Variants in EDA observed in about 807,000 individuals in gnomAD.
The protein encoded by EDA is ectodysplasin A, also known as ectodysplasin-A.
Under a neutral mutation model 23.6 loss-of-function variants are expected in EDA, and 2 were observed. The observed-to-expected ratio is 0.08, with a 90% CI of 0.03 to 0.27. The LOEUF (loss-of-function observed/expected upper bound fraction) is 0.27, where lower values mean the gene tolerates loss of function less well. Ranked by LOEUF, EDA falls within the 10% of genes least tolerant of loss-of-function variation. The pLI is 1.00. For synonymous variants in EDA, 131 were observed against 132.0 expected (o/e 0.99, Z 0.05); for missense variants, 229 against 324.2 (o/e 0.71, Z 2.26).
At chrX:69,867,988 A>C (rs768539728) in intron 1 of EDA, among the ~76,000 whole-genome samples, 1 of 111,955 alleles carries the variant, frequency 8.9e-6, no homozygotes, top group South Asian at 3.8e-4. Context: ...TTGATAACCC[A>C]TAGTCAAACT....
chrX:69,749,435 G>C (rs1011759955), intron 1 of EDA, among the ~76,000 whole-genome samples: 1 of 101,400 alleles, frequency 9.9e-6, no homozygotes, highest in Non-Finnish European at 2.0e-5. Context: ...ATGATTTATA[G>C]TCATTTGGGT....
intron 1 of EDA, among the ~76,000 whole-genome samples, chrX:69,861,600 A>G (rs1396360958): frequency 2.7e-5 from 3 of 111,924 alleles, no homozygotes; most frequent in African/African-American, 9.7e-5. Context: ...AAAAATTATC[A>G]CACTTACAAA....
At chrX:70,034,727 C>G (rs756248198) in intron 7 of EDA, among the ~76,000 whole-genome samples, 7 of 111,757 alleles carry the variant, frequency 6.3e-5, no homozygotes, top group African/African-American at 2.3e-4. Flanking sequence ...TTTCCAAATT[C>G]TTTGTCTTGT....
At chrX:69,685,158 G>A (rs1258921250) in intron 1 of EDA, among the ~76,000 whole-genome samples, 1 of 111,928 alleles carries the variant, frequency 8.9e-6, no homozygotes, top group Non-Finnish European at 1.9e-5. Flanking sequence ...GAGAGATCGA[G>A]AGCCAAGAAA....
chrX:69,665,999 T>A (rs2147261123), intron 1 of EDA, among the ~76,000 whole-genome samples: 1 of 111,882 alleles, frequency 8.9e-6, no homozygotes, highest in South Asian at 3.7e-4. Flanking sequence ...TTCATCAGTG[T>A]TTTGCAGTTT....
At chrX:69,730,823 G>A (rs2012994168) in intron 1 of EDA, among the ~76,000 whole-genome samples, 1 of 112,445 alleles carries the variant, frequency 8.9e-6, no homozygotes, top group African/African-American at 3.2e-5. Context: ...ATGTAAGATA[G>A]TACTACTGAA....
chrX:69,711,648 T>C (rs1160962402), intron 1 of EDA, among the ~76,000 whole-genome samples: 1 of 111,700 alleles, frequency 9.0e-6, no homozygotes, highest in Non-Finnish European at 1.9e-5. Flanking sequence ...TGGTAGGCTA[T>C]TAATTATTGC....
At chrX:69,724,329 C>T (rs1415934817) in intron 1 of EDA, among the ~76,000 whole-genome samples, 3 of 111,892 alleles carry the variant, frequency 2.7e-5, no homozygotes, top group Admixed American at 9.5e-5. Flanking sequence ...CCCTTTTCCA[C>T]GCTTTCCTGG....
At chrX:69,668,368 G>T (rs368099630) in intron 1 of EDA, among the ~76,000 whole-genome samples, 5 of 111,611 alleles carry the variant, frequency 4.5e-5, no homozygotes, top group African/African-American at 1.3e-4. Flanking sequence ...GACTTGTTTT[G>T]TGGCCTAACA....
intron 1 of EDA, among the ~76,000 whole-genome samples, chrX:69,791,380 A>G (rs2015400599): frequency 1.8e-5 from 2 of 111,308 alleles, no homozygotes; most frequent in African/African-American, 6.5e-5. Flanking sequence ...TAATTTTGAA[A>G]TACAAAAAAA....
intron 1 of EDA, among the ~76,000 whole-genome samples, chrX:69,648,715 T>C (rs969764683): frequency 3.6e-5 from 4 of 111,807 alleles, no homozygotes; most frequent in Non-Finnish European, 7.5e-5. Context: ...CCCACAGAAC[T>C]GCTTGGCTCC....
chrX:69,729,417 A>T (rs2012937225), intron 1 of EDA, among the ~76,000 whole-genome samples: 1 of 111,126 alleles, frequency 9.0e-6, no homozygotes, highest in South Asian at 3.8e-4. Context: ...CCCCTTAGCC[A>T]TTCTATCAAC....
chrX:70,026,393 G>A (rs1169397805), intron 3 of EDA, among the ~76,000 whole-genome samples: 2 of 111,329 alleles, frequency 1.8e-5, no homozygotes, highest in Non-Finnish European at 3.8e-5. Context: ...TAGGAGGGTC[G>A]AGATTGTTCT....
intron 1 of EDA, among the ~76,000 whole-genome samples, chrX:69,722,449 G>A (rs2012623496): frequency 9.0e-6 from 1 of 110,800 alleles, no homozygotes; most frequent in Non-Finnish European, 1.9e-5. Context: ...CTCGTGATCT[G>A]CCCGCCTCAG....
At chrX:69,866,007 C>T (rs760659725) in intron 1 of EDA, among the ~76,000 whole-genome samples, 1 of 112,169 alleles carries the variant, frequency 8.9e-6, no homozygotes, top group Admixed American at 9.4e-5. Context: ...TTACAGTCCC[C>T]GTTTCTGCAG....
chrX:69,659,856 G>A (rs948781108), intron 1 of EDA, among the ~76,000 whole-genome samples: 1 of 111,267 alleles, frequency 9.0e-6, no homozygotes, highest in Non-Finnish European at 1.9e-5. Context: ...TTCTGGGCCT[G>A]AACCCCAGAG....
chrX:69,829,185 T>C (rs1209382541), intron 1 of EDA, among the ~76,000 whole-genome samples: 1 of 112,469 alleles, frequency 8.9e-6, no homozygotes, highest in Non-Finnish European at 1.9e-5. Flanking sequence ...TGTTCATAGG[T>C]AAATCCCTAG....
intron 1 of EDA, among the ~76,000 whole-genome samples, chrX:69,803,325 T>G (rs2015739364): frequency 9.0e-6 from 1 of 110,912 alleles, no homozygotes; most frequent in Admixed American, 9.6e-5. Flanking sequence ...ACTTTAGTTT[T>G]GATTTTTTCA....
chrX:69,892,979 G>C (rs1299250314), intron 1 of EDA, among the ~76,000 whole-genome samples: 1 of 111,638 alleles, frequency 9.0e-6, no homozygotes, highest in Admixed American at 9.6e-5. Flanking sequence ...TAATGCTGCT[G>C]TAACAAATTA....
Sources: allele counts gnomAD v4.1 joint callset (sites outside exome capture counted in the v4.1 genomes callset), GRCh38; gene constraint gnomAD v4.1.1; transcripts MANE v1.5; gene names NCBI Gene and HGNC (gene_info 2026-07-23, HGNC 2026-07-21).